Variants in AMPH observed in about 807,000 individuals in gnomAD.
The protein encoded by AMPH is amphiphysin, also known as amphiphysin (Stiff-Mann syndrome with breast cancer 128kD autoantigen).
AMPH carries 49 observed loss-of-function variants against 99.1 expected under a neutral mutation model. The observed-to-expected ratio is 0.49, with a 90% CI of 0.39 to 0.63. The LOEUF is 0.63. AMPH is among the 20% of genes least tolerant of loss of function. The probability of loss-of-function intolerance (pLI) is 0.00; values close to 1 mark genes in which losing one functional copy is unlikely to be tolerated. For synonymous variants in AMPH, 314 were observed against 317.3 expected (o/e 0.99, Z 0.11); for missense variants, 759 against 863.4 (o/e 0.88, Z 1.52).
At chr7:38,547,099 T>C (rs745852361) in intron 1 of AMPH, among the ~76,000 whole-genome samples, 1 of 152,130 alleles carries the variant, frequency 6.6e-6, no homozygotes, top group Non-Finnish European at 1.5e-5. Flanking sequence ...CCCTTGCCTT[T>C]CAGGTGGCCC....
chr7:38,567,486 T>C (rs1584253625), intron 1 of AMPH, among the ~76,000 whole-genome samples: 1 of 152,116 alleles, frequency 6.6e-6, no homozygotes, highest in African/African-American at 2.4e-5. Flanking sequence ...TATATACCTA[T>C]GTAACAAACC....
chr7:38,571,230 T>TTA (rs1437754918), intron 1 of AMPH, among the ~76,000 whole-genome samples: 1 of 94,532 alleles, frequency 1.1e-5, no homozygotes, highest in African/African-American at 4.4e-5. Context: ...TATATATTAA[T>TTA]TATATATATA....
intron 11 of AMPH, among the ~76,000 whole-genome samples, chr7:38,448,390 T>G (rs1786871357): frequency 6.6e-6 from 1 of 152,204 alleles, no homozygotes; most frequent in Non-Finnish European, 1.5e-5. Flanking sequence ...AGGGGATGCC[T>G]GAAACCACAA....
intron 17 of AMPH, among the ~76,000 whole-genome samples, chr7:38,404,537 G>A (rs147577459): frequency 9.2e-5 from 14 of 152,194 alleles, no homozygotes; most frequent in Non-Finnish European, 1.8e-4. Context: ...AACCCATGTA[G>A]AGCCTTGGCC....
At chr7:38,528,937 C>A (rs1790293907) in intron 2 of AMPH, among the ~76,000 whole-genome samples, 1 of 152,094 alleles carries the variant, frequency 6.6e-6, no homozygotes. Flanking sequence ...ATTCGCTGAA[C>A]CTGGTTTTCC....
intron 18 of AMPH, among the ~76,000 whole-genome samples, chr7:38,393,536 C>T (rs1216050450): frequency 2.0e-5 from 3 of 152,190 alleles, no homozygotes; most frequent in African/African-American, 7.2e-5. Flanking sequence ...CAAAGTGCCA[C>T]CCAGTGGTGG....
At chr7:38,618,662 G>T (rs1745669936) in intron 1 of AMPH, among the ~76,000 whole-genome samples, 2 of 152,064 alleles carry the variant, frequency 1.3e-5, no homozygotes, top group African/African-American at 4.8e-5. Flanking sequence ...TTGAAATTGA[G>T]ATAGTATTAA....
At chr7:38,390,042 C>A in intron 19 of AMPH, 137 bp from the exon 20 acceptor site, 1 of 664,426 alleles carries the variant, frequency 1.5e-6, no homozygotes, top group South Asian at 1.8e-5. Context: ...CCTCTAAAGC[C>A]AGAAGGGAAG....
At chr7:38,470,697 T>A (rs938570883) in intron 7 of AMPH, among the ~76,000 whole-genome samples, 1 of 152,134 alleles carries the variant, frequency 6.6e-6, no homozygotes, top group Non-Finnish European at 1.5e-5. Context: ...ACCACCCATA[T>A]GGTAATGACT....
At chr7:38,446,969 C>T (rs2276535) in intron 11 of AMPH, among the ~76,000 whole-genome samples, 8,599 of 151,984 alleles carry the variant, frequency 0.057, 636 homozygotes, top group East Asian at 0.35. Context: ...AAATTAAAAA[C>T]CTGACATAGA....
chr7:38,562,401 G>C (rs1055516524), intron 1 of AMPH, among the ~76,000 whole-genome samples: 8 of 152,076 alleles, frequency 5.3e-5, no homozygotes, highest in African/African-American at 1.9e-4. Flanking sequence ...CTTAAATTGG[G>C]GTGATGTCGT....
intron 1 of AMPH, among the ~76,000 whole-genome samples, chr7:38,586,154 C>A (rs191452604): frequency 2.4e-4 from 37 of 152,236 alleles, no homozygotes; most frequent in African/African-American, 7.9e-4. Context: ...GGCAACCATC[C>A]CAGCATTTGT....
intron 12 of AMPH, among the ~76,000 whole-genome samples, chr7:38,433,157 T>A (rs1327594421): frequency 6.6e-6 from 1 of 152,198 alleles, no homozygotes; most frequent in African/African-American, 2.4e-5. Context: ...TCGGTTGAGA[T>A]TGCAGAGGCC....
intron 1 of AMPH, among the ~76,000 whole-genome samples, chr7:38,621,332 T>A (rs1794052690): frequency 6.6e-6 from 1 of 152,224 alleles, no homozygotes; most frequent in African/African-American, 2.4e-5. Context: ...TTTATCTCAC[T>A]ATCAACTCCT....
At chr7:38,450,351 C>T (rs1254457608) in intron 11 of AMPH, among the ~76,000 whole-genome samples, 1 of 152,218 alleles carries the variant, frequency 6.6e-6, no homozygotes, top group Non-Finnish European at 1.5e-5. Flanking sequence ...CAAAGATAGA[C>T]TCTGGCAAAG....
At chr7:38,397,877 C>T (rs1784717109) in intron 17 of AMPH, among the ~76,000 whole-genome samples, 1 of 151,998 alleles carries the variant, frequency 6.6e-6, no homozygotes, top group Non-Finnish European at 1.5e-5. Flanking sequence ...CAAAAGAAGA[C>T]ATAAATAGCA....
intron 11 of AMPH, among the ~76,000 whole-genome samples, chr7:38,445,022 C>CGGTATAT (rs1281751919): frequency 7.2e-6 from 1 of 139,572 alleles, no homozygotes; most frequent in African/African-American, 2.7e-5. Flanking sequence ...CACACACACA[C>CGGTATAT]ACGGTATATA....
chr7:38,446,380 G>A (rs57878896), intron 11 of AMPH, among the ~76,000 whole-genome samples: 8,640 of 152,210 alleles, frequency 0.057, 637 homozygotes, highest in East Asian at 0.35. Flanking sequence ...TAGTGCCTTT[G>A]TTTATAATAG....
rs1193077070 is a variant in AMPH at position 38,473,660 on chromosome 7, C to T, written c.590+1671G>A. 7.2e-5 allele frequency among the ~76,000 whole-genome samples: 4 copies of T among 55,826 alleles called. 1 individual carries two copies. The highest frequency in any genetic ancestry group is 3.0e-4 in the Admixed American group (1 of 3,382). 36.6% of individuals were successfully genotyped at this position (55,826 alleles called of 152,430 possible). On this transcript the variant is annotated intron_variant, in intron 7 of 20. Transcript: ENST00000356264. The stretch of plus-strand genomic sequence containing the variant: ...CGGAGCTTGCAGTGAGCCGAGATTG[C>T]GCCACTGCAGTCCGCAGTCCGACCT...
Sources: allele counts gnomAD v4.1 joint callset (sites outside exome capture counted in the v4.1 genomes callset), GRCh38; gene constraint gnomAD v4.1.1; transcripts MANE v1.5; gene names NCBI Gene and HGNC (gene_info 2026-07-23, HGNC 2026-07-21).